Variants in FBXL19 observed in about 807,000 individuals in gnomAD.
FBXL19 encodes F-box/LRR-repeat protein 19.
In FBXL19, 16 loss-of-function variants were observed where a neutral mutation model predicts 71.2. The ratio of observed to expected loss-of-function variants is 0.22; its 90% CI spans 0.15 to 0.34. FBXL19 has a LOEUF of 0.34. Ranked by LOEUF, FBXL19 falls within the 10% of genes least tolerant of loss-of-function variation. FBXL19 has a pLI of 1.00. For synonymous variants in FBXL19, 447 were observed against 409.4 expected (o/e 1.09, Z -1.11); for missense variants, 658 against 968.2 (o/e 0.68, Z 4.25).
chr16:30,927,934 G>T lies in FBXL19; in HGVS notation c.598G>T (p.Gly200Trp). 6.5e-7 allele frequency: 1 copy of T among 1,538,384 alleles called. No homozygotes were observed. Among genetic ancestry groups the T allele is most frequent in the African/African-American group, 1.4e-5 (1 of 71,942 alleles). Residue 200 changes from glycine (G) to tryptophan (W), a missense_variant, in exon 5 of 11, where the codon GGG (glycine) becomes TGG (tryptophan). Around this residue, in one of 8 missense-constraint regions of FBXL19, gnomAD observed 447 missense variants for 515.4 expected, o/e 0.87. Transcript: ENST00000338343. ...CCCCAAACGAAAGGAAAGGGAGGCAGGGAATGAGCCTCCCACCCCAAGGAA... is the reference window on the plus strand; with the variant it reads ...CCCCAAACGAAAGGAAAGGGAGGCATGGAATGAGCCTCCCACCCCAAGGAA... ...GPPKRKEREAGNEPPTPRKKV... is the reference protein window; with the variant it reads ...GPPKRKEREAWNEPPTPRKKV...
At position 30,930,004 on chromosome 16, in the gene FBXL19, TC is replaced by T; in HGVS notation, c.790-67del. ...CTCGGGCTGTTCATCCCCTGGTGACTCCTCGGGGTAGGGGGGTGGGAAAATG... is the reference window on the plus strand; with the variant it reads ...CTCGGGCTGTTCATCCCCTGGTGACTCTCGGGGTAGGGGGGTGGGAAAATG... On this transcript the variant is annotated intron_variant, in intron 6 of 10. Coordinates refer to ENST00000338343, the MANE Select transcript of FBXL19 (RefSeq NM_001382779.1). This position sits in a 1 kb window ranked among gnomAD's most constrained non-coding sequence, Gnocchi z 8.5. The T allele has an allele frequency of 6.5e-7, 1 of 1,541,186 alleles. No individual in the cohort carries two copies. The highest frequency in any genetic ancestry group is 2.3e-5 in the East Asian group (1 of 44,244).
rs1256008681 is a variant in FBXL19, at chr16:30,948,666, T to TG, written c.*1441dup. On this transcript the variant is annotated 3_prime_UTR_variant, in exon 11 of 11. Transcript: ENST00000338343. ...CGAGAGGCTTGAGAATGGGGCCGCT[T>TG]GGGGGAGGGAAGAGGCAGCCCGGCG... 6.7e-6 allele frequency: 1 copy of TG among 150,350 alleles called. No homozygotes were observed. The highest frequency in any genetic ancestry group is 1.5e-5 in the Non-Finnish European group (1 of 67,618). 9.3% of individuals were successfully genotyped at this position (150,350 alleles called of 1,614,324 possible).
chr16:30,939,911 C>T (rs1215167288), intron 7 of FBXL19, among the ~76,000 whole-genome samples: 5 of 151,902 alleles, frequency 3.3e-5, no homozygotes, highest in East Asian at 1.9e-4. Context: ...AGGGAAGGAT[C>T]GCTTGAGCTC....
In FBXL19 at chr16:30,948,314, C is replaced by A. The variant is rs2055888563; in HGVS notation, c.*1084C>A. 1 of 152,878 alleles carries A rather than the reference C, an allele frequency of 6.5e-6. No individual in the cohort carries two copies. The highest frequency in any genetic ancestry group is 1.5e-5 in the Non-Finnish European group (1 of 68,290). The allele number at this position is 152,878 out of a possible 1,614,324, so 9.5% of individuals were successfully genotyped here. On this transcript the variant is annotated 3_prime_UTR_variant, in exon 11 of 11. Transcript: ENST00000338343. ...CCCATTTGCCCAGGGAACTGCCACT[C>A]CTGGTTGCCATGGAAATAGCAGCCA... is the stretch of plus-strand genomic sequence containing the variant.
intron 7 of FBXL19, among the ~76,000 whole-genome samples, chr16:30,933,837 C>T: frequency 6.6e-6 from 1 of 151,580 alleles, no homozygotes; most frequent in Non-Finnish European, 1.5e-5. Flanking sequence ...GCCACAACCT[C>T]CACCTCCTGG....
At chr16:30,940,753 G>A (rs888932246) in intron 7 of FBXL19, among the ~76,000 whole-genome samples, 6 of 151,972 alleles carry the variant, frequency 3.9e-5, no homozygotes, top group Admixed American at 3.9e-4. Flanking sequence ...TGCAATCTCC[G>A]CCTCCCGGGT....
chr16:30,938,263 C>G (rs979206978), intron 7 of FBXL19, among the ~76,000 whole-genome samples: 1 of 152,048 alleles, frequency 6.6e-6, no homozygotes, highest in Non-Finnish European at 1.5e-5. Flanking sequence ...GCCTGTAATC[C>G]CAGCACTTTG....
At chr16:30,923,138 T>C (rs1363034485), upstream of FBXL19, 1 of 456,714 alleles carries the variant, frequency 2.2e-6, no homozygotes, top group Admixed American at 2.3e-5. Flanking sequence ...GCAGATGGAC[T>C]GCGACTCCCG....
rs756475001 is a variant in FBXL19, at chr16:30,946,913, C to G, written c.1811C>G (p.Pro604Arg). 1 of 1,610,494 alleles carries G rather than the reference C, an allele frequency of 6.2e-7. No individual in the cohort carries two copies. The highest frequency in any genetic ancestry group is 8.5e-7 in the Non-Finnish European group (1 of 1,179,130). Residue 604 changes from proline to arginine, a missense_variant, in exon 10 of 11, where the codon CCA (proline) becomes CGA (arginine). Around this residue, in one of 8 missense-constraint regions of FBXL19, gnomAD observed 69 missense variants for 177.8 expected, o/e 0.39. Transcript: ENST00000338343. This position sits in a 1 kb window ranked among gnomAD's most constrained non-coding sequence, Gnocchi z 6.7. ...SVHLLTAPTS[P>R]LRETLVHLNL... ...CACCTCCTCACGGCCCCCACGTCCCCACTCCGCGAGACCCTGGTGCACCTC... is the reference window on the plus strand; with the variant it reads ...CACCTCCTCACGGCCCCCACGTCCCGACTCCGCGAGACCCTGGTGCACCTC...
upstream of FBXL19, chr16:30,922,960 G>A: frequency 2.3e-6 from 1 of 430,012 alleles, no homozygotes; most frequent in South Asian, 1.6e-5. Context: ...TCCTGGTTCC[G>A]CCATTCTTAA....
chr16:30,935,157 G>A (rs2055718084), intron 7 of FBXL19, among the ~76,000 whole-genome samples: 1 of 152,210 alleles, frequency 6.6e-6, no homozygotes, highest in African/African-American at 2.4e-5. Flanking sequence ...GGGGTTGGGG[G>A]TCCAAAGCCA....
Position 30,925,098 on chromosome 16 carries a change from T to C in FBXL19, c.-24-633T>C, listed in dbSNP as rs1285552451. Among the ~76,000 whole-genome samples, 1 of 152,128 alleles carries C rather than the reference T, an allele frequency of 6.6e-6. No homozygotes were observed. The highest frequency in any genetic ancestry group is 6.5e-5 in the Admixed American group (1 of 15,270). On this transcript the variant is annotated intron_variant, in intron 1 of 10. Coordinates refer to ENST00000338343, the MANE Select transcript of FBXL19 (RefSeq NM_001382779.1). The surrounding 1 kb of genome is among the most constrained non-coding windows in gnomAD (Gnocchi z 5.0). ...CTCTGAAGAAGCATCTCCAGGGCTG[T>C]CAGAGCTCTGGGGAGTTAGTGGGCA...
At chr16:30,928,348 C>T in intron 5 of FBXL19, 119 bp from the exon 6 acceptor site, 1 of 1,130,166 alleles carries the variant, frequency 8.8e-7, no homozygotes, top group African/African-American at 1.6e-5. Flanking sequence ...AGAGTTATCC[C>T]TGGGACGGGG....
chr16:30,942,254 C>T lies in FBXL19; in HGVS notation c.1440C>T (p.Leu480=). ...GGACAGGTGTCTCCAAGAAGCAGCT[C>T]ATGTGGCTTCTGAACCGACTACAAG... ...LSWTGVSKKQ[L]MWLLNRLQGL... The change falls in exon 8 of 11, where the codon CTC becomes CTT. Residue 480 remains leucine, a synonymous_variant. Coordinates refer to ENST00000338343, the MANE Select transcript of FBXL19 (RefSeq NM_001382779.1). This position sits in a 1 kb window ranked among gnomAD's most constrained non-coding sequence, Gnocchi z 5.7. The T allele has an allele frequency of 1.3e-6, 2 of 1,597,910 alleles. No homozygotes were observed. The highest frequency in any genetic ancestry group is 1.7e-6 in the Non-Finnish European group (2 of 1,172,360).
chr16:30,925,992 T>A lies in FBXL19; in HGVS notation c.177+61T>A. 5.6e-6 allele frequency: 8 copies of A among 1,419,354 alleles called. No individual in the cohort carries two copies. Among genetic ancestry groups the A allele is most frequent in the Non-Finnish European group, 6.4e-6 (7 of 1,089,792 alleles). 87.9% of individuals were successfully genotyped at this position (1,419,354 alleles called of 1,614,324 possible). On this transcript the variant is annotated intron_variant, in intron 2 of 10. Transcript: ENST00000338343. This position sits in a 1 kb window ranked among gnomAD's most constrained non-coding sequence, Gnocchi z 5.0. ...CTTCCCAATACCTTCTTGGAATGGC[T>A]GGTGACTGCCTCCCAGCCTGTACTG...
intron 9 of FBXL19, among the ~76,000 whole-genome samples, chr16:30,944,234 G>A (rs1315296883): frequency 5.1e-5 from 7 of 137,458 alleles, no homozygotes; most frequent in African/African-American, 1.7e-4. Context: ...AAGTTCATGG[G>A]TATATGTGCA....
chr16:30,930,406 C>T lies in FBXL19; in HGVS notation c.1123C>T (p.Pro375Ser), dbSNP rs1487895496. 1 of 1,528,756 alleles carries T rather than the reference C, an allele frequency of 6.5e-7. No individual in the cohort carries two copies. Among genetic ancestry groups the T allele is most frequent in the African/African-American group, 1.4e-5 (1 of 72,808 alleles). 94.7% of individuals were successfully genotyped at this position (1,528,756 alleles called of 1,614,324 possible). Residue 375 changes from proline (P) to serine (S), a missense_variant, in exon 7 of 11, where the codon CCA (proline) becomes TCA (serine). Around this residue, in one of 8 missense-constraint regions of FBXL19, gnomAD observed 447 missense variants for 515.4 expected, o/e 0.87. Coordinates refer to ENST00000338343, the MANE Select transcript of FBXL19 (RefSeq NM_001382779.1). This position sits in a 1 kb window ranked among gnomAD's most constrained non-coding sequence, Gnocchi z 8.5. ...GGGCCCAGCCCCACCACCCCGGCCT[C>T]CACAGCTGGAGCGGCACGTGGTGCG... ...PLGPAPPPRP[P>S]QLERHVVRPP...
rs779803395 is a variant in FBXL19 at position 30,925,925 on chromosome 16, C to T, written c.171C>T (p.Cys57=). The change falls in exon 2 of 11, where the codon TGC becomes TGT. Residue 57 remains cysteine (C), a synonymous_variant. Coordinates refer to ENST00000338343, the MANE Select transcript of FBXL19 (RefSeq NM_001382779.1). The surrounding 1 kb of genome is among the most constrained non-coding windows in gnomAD (Gnocchi z 5.0). ...AGCAGTCGTGCCTGCTCCGGCAGTG[C>T]ACTGCCGTGAGTTCTGCCCCCACCT... ...RMKQSCLLRQ[C]TAPVLPHTAV... The T allele has an allele frequency of 4.0e-6, 6 of 1,489,474 alleles. No homozygotes were observed. The highest frequency in any genetic ancestry group is 1.8e-4 in the Middle Eastern group (1 of 5,612). 92.3% of individuals were successfully genotyped at this position (1,489,474 alleles called of 1,614,324 possible).
upstream of FBXL19, chr16:30,922,983 G>A (rs1222730673): frequency 2.2e-6 from 1 of 449,366 alleles, no homozygotes; most frequent in South Asian, 1.6e-5. Flanking sequence ...AACACTGGAA[G>A]GCTATAAAAC....
Sources: allele counts gnomAD v4.1 joint callset (sites outside exome capture counted in the v4.1 genomes callset), GRCh38; gene constraint gnomAD v4.1.1; regional missense constraint gnomAD v4.1.1; non-coding constraint Gnocchi (gnomAD v3.1); transcripts MANE v1.5; gene names NCBI Gene and HGNC (gene_info 2026-07-23, HGNC 2026-07-21).